Variants in MAGI2 observed in about 807,000 individuals in gnomAD.
MAGI2 encodes membrane associated guanylate kinase, WW and PDZ domain containing 2.
MAGI2 carries 35 observed loss-of-function variants against 133.3 expected under a neutral mutation model. That is an observed-to-expected ratio of 0.26 (90% CI 0.20 to 0.35). MAGI2 has a LOEUF of 0.35. Among genes scored for constraint, MAGI2 ranks in the 10% least tolerant of loss-of-function variants. The pLI, the probability that MAGI2 is intolerant of heterozygous loss-of-function variation, is 1.00. For synonymous variants in MAGI2, 729 were observed against 710.6 expected, an observed-to-expected ratio of 1.03 and a Z score of -0.41; for missense variants, 1,636 against 1,863.4, an observed-to-expected ratio of 0.88 and a Z score of 2.25.
At chr7:79,071,695 C>A (rs1156536241) in intron 1 of MAGI2, among the ~76,000 whole-genome samples, 1 of 151,940 alleles carries the variant, frequency 6.6e-6, no homozygotes, top group Non-Finnish European at 1.5e-5. Context: ...GTCTGGCTGC[C>A]GCGGCCTTAC....
intron 21 of MAGI2, 32 bp from the exon 22 acceptor site, chr7:78,020,008 G>C: frequency 6.4e-7 from 1 of 1,561,802 alleles, no homozygotes; most frequent in East Asian, 2.4e-5. Context: ...GTTAGCAGTG[G>C]CGCACGCAGG....
chr7:78,612,643 C>G (rs1806579746), intron 3 of MAGI2, among the ~76,000 whole-genome samples: 1 of 152,014 alleles, frequency 6.6e-6, no homozygotes, highest in South Asian at 2.1e-4. Flanking sequence ...ATTAAAGAAG[C>G]ATAAAAGAGG....
intron 16 of MAGI2, among the ~76,000 whole-genome samples, chr7:78,135,484 C>A (rs1025244333): frequency 2.1e-4 from 32 of 152,142 alleles, no homozygotes; most frequent in Admixed American, 2.0e-4. Flanking sequence ...GTTAAAAAGA[C>A]AGCTATTTGG....
intron 7 of MAGI2, among the ~76,000 whole-genome samples, chr7:78,348,847 G>C (rs575548868): frequency 2.6e-5 from 4 of 152,274 alleles, no homozygotes; most frequent in African/African-American, 9.6e-5. Flanking sequence ...CAATAGAATT[G>C]ATAAGATAGG....
At chr7:79,366,382 G>A (rs1842712997) in intron 1 of MAGI2, among the ~76,000 whole-genome samples, 2 of 152,064 alleles carry the variant, frequency 1.3e-5, no homozygotes, top group Admixed American at 1.3e-4. Flanking sequence ...ATTGCCTGGG[G>A]TTAAAGACAA....
chr7:78,309,168 C>G (rs1322546695), intron 9 of MAGI2, among the ~76,000 whole-genome samples: 2 of 152,106 alleles, frequency 1.3e-5, no homozygotes, highest in Non-Finnish European at 2.9e-5. Context: ...ACTATTTGAC[C>G]CCGCAATCCC....
intron 1 of MAGI2, among the ~76,000 whole-genome samples, chr7:79,254,009 AAAC>A (rs1833511777): frequency 8.7e-6 from 1 of 115,030 alleles, no homozygotes; most frequent in Non-Finnish European, 2.0e-5. Flanking sequence ...AAACAAAACA[AAAC>A]AAAAAAGGTT....
chr7:79,090,897 C>T (rs138440023), intron 1 of MAGI2, among the ~76,000 whole-genome samples: 1 of 152,072 alleles, frequency 6.6e-6, no homozygotes, highest in Non-Finnish European at 1.5e-5. Flanking sequence ...ATGACCACTT[C>T]CGTGATTTAT....
At chr7:78,630,399 C>T (rs538700533) in intron 2 of MAGI2, among the ~76,000 whole-genome samples, 2 of 131,634 alleles carry the variant, frequency 1.5e-5, no homozygotes, top group African/African-American at 5.6e-5. Flanking sequence ...GGTGTACTGA[C>T]TTTTTGTGTT....
At chr7:78,305,703 A>C (rs947741011) in intron 9 of MAGI2, among the ~76,000 whole-genome samples, 2 of 152,168 alleles carry the variant, frequency 1.3e-5, no homozygotes, top group African/African-American at 4.8e-5. Flanking sequence ...GCATTCTCCA[A>C]GGAACTGTAT....
intron 1 of MAGI2, among the ~76,000 whole-genome samples, chr7:79,183,802 C>A (rs1459835666): frequency 1.3e-5 from 2 of 151,644 alleles, no homozygotes; most frequent in African/African-American, 4.9e-5. Flanking sequence ...TAGTATTCAG[C>A]CTTTAAAAAC....
chr7:78,331,462 A>G (rs1389671074), intron 9 of MAGI2, among the ~76,000 whole-genome samples: 2 of 152,140 alleles, frequency 1.3e-5, no homozygotes, highest in African/African-American at 2.4e-5. Flanking sequence ...TCATTGATAA[A>G]GCAAGGCAAT....
intron 2 of MAGI2, among the ~76,000 whole-genome samples, chr7:78,696,255 T>A (rs1191272494): frequency 2.0e-5 from 3 of 152,132 alleles, no homozygotes; most frequent in Non-Finnish European, 1.5e-5. Context: ...TTTTTTGATA[T>A]GACATAATCA....
Position 79,445,288 on chromosome 7 carries a change from T to G in MAGI2, c.301+7732A>C, listed in dbSNP as rs1190896502. Among the ~76,000 whole-genome samples the G allele has an allele frequency of 4.6e-5, 7 of 152,092 alleles. 1 individual carries two copies. In the East Asian group the frequency reaches 1.4e-3, roughly 29 times the overall value. On this transcript the variant is annotated intron_variant, in intron 1 of 21. Transcript: ENST00000354212. ...TTCATGTCTAAAACACCAAAAGCAA[T>G]GGCAACAAAATCCAAAATTGACAAA...
intron 1 of MAGI2, among the ~76,000 whole-genome samples, chr7:79,214,403 CTCTCTATATATATATATA>C (rs1829804001): frequency 9.6e-5 from 4 of 41,464 alleles, no homozygotes; most frequent in African/African-American, 3.2e-4. Flanking sequence ...CTCTCTCTCT[CTCTCTATATATATATATA>C]TATATATATA....
chr7:78,226,316 T>C (rs1789377075), intron 10 of MAGI2, among the ~76,000 whole-genome samples: 1 of 74,142 alleles, frequency 1.3e-5, no homozygotes, highest in East Asian at 5.6e-4. Flanking sequence ...AGTATACAAA[T>C]GTTTAAAAAA....
chr7:78,166,968 T>C (rs12530966), intron 15 of MAGI2, among the ~76,000 whole-genome samples: 22,178 of 152,106 alleles, frequency 0.15, 1,928 homozygotes, highest in Non-Finnish European at 0.19. Flanking sequence ...CGTCAGTTTC[T>C]TCATCTGTAA....
chr7:78,946,499 G>A (rs1801430070), intron 2 of MAGI2, among the ~76,000 whole-genome samples: 2 of 152,122 alleles, frequency 1.3e-5, no homozygotes, highest in Admixed American at 1.3e-4. Flanking sequence ...ATGATTGGAT[G>A]GTACCTTATA....
At chr7:78,511,059 G>A (rs1301692999) in intron 4 of MAGI2, among the ~76,000 whole-genome samples, 2 of 152,102 alleles carry the variant, frequency 1.3e-5, no homozygotes, top group African/African-American at 4.8e-5. Flanking sequence ...AAGTGTGTTT[G>A]TTATATTGAT....
Sources: allele counts gnomAD v4.1 joint callset (sites outside exome capture counted in the v4.1 genomes callset), GRCh38; gene constraint gnomAD v4.1.1; transcripts MANE v1.5; gene names NCBI Gene and HGNC (gene_info 2026-07-23, HGNC 2026-07-21).